MYBPC1: variants seen among roughly 807,000 people sequenced by gnomAD.
MYBPC1 encodes myosin-binding protein C, slow-type.
In MYBPC1, 52 loss-of-function variants were observed where a neutral mutation model predicts 147.1. The observed-to-expected ratio is 0.35, with a 90% CI of 0.28 to 0.45. The LOEUF is 0.45. Among genes scored for constraint, MYBPC1 ranks in the 20% least tolerant of loss-of-function variants. The pLI is 1.00. For synonymous variants in MYBPC1, 477 were observed against 475.9 expected (o/e 1.00, Z -0.03); for missense variants, 1,228 against 1,440.3 (o/e 0.85, Z 2.39).
chr12:101,670,033 C>A, intron 23 of MYBPC1: 1 of 460,050 alleles, frequency 2.2e-6, no homozygotes. Flanking sequence ...AGGCTTATTA[C>A]AACAATAAAA....
intron 23 of MYBPC1, 47 bp downstream of exon 23, chr12:101,667,946 A>G: frequency 6.3e-7 from 1 of 1,588,504 alleles, no homozygotes; most frequent in Non-Finnish European, 8.6e-7. Flanking sequence ...TACATGGTTC[A>G]CTTTTTTTTT....
chr12:101,628,481 C>T (rs1294776543), intron 5 of MYBPC1, among the ~76,000 whole-genome samples: 1 of 152,108 alleles, frequency 6.6e-6, no homozygotes, highest in East Asian at 1.9e-4. Flanking sequence ...CCTACTACTA[C>T]AGATAGAAAT....
Position 101,659,718 on chromosome 12 carries a change from A to C in MYBPC1, c.1814A>C (p.Asp605Ala). 1 of 1,614,144 alleles carries C rather than the reference A, an allele frequency of 6.2e-7. No individual in the cohort carries two copies. The highest frequency in any genetic ancestry group is 8.5e-7 in the Non-Finnish European group (1 of 1,180,006). The change falls in exon 19 of 32, where the codon GAT (aspartate) becomes GCT (alanine). Residue 605 changes from aspartate to alanine, a missense_variant. Physicochemically the swap from Asp to Ala is moderately radical, Grantham distance 126. This residue lies in a region of MYBPC1 where 1,077 missense variants were observed against 1,314.2 expected (regional missense o/e 0.82). Transcript: ENST00000361466. ...CGGATAAGAACAGAATCTTACCCTG[A>C]TAGCAGCACTCTGGTCATTGATATA... Reference protein sequence around the residue: ...SGRIRTESYPDSSTLVIDIAE... With the variant: ...SGRIRTESYPASSTLVIDIAE...
At chr12:101,606,107 A>T (rs1230603617) in intron 1 of MYBPC1, among the ~76,000 whole-genome samples, 1 of 150,726 alleles carries the variant, frequency 6.6e-6, no homozygotes, top group Non-Finnish European at 1.5e-5. Context: ...TGGGAAGATC[A>T]TCTGAGCCTG....
rs1189921838 is a variant in MYBPC1 at position 101,659,811 on chromosome 12, G to C, written c.1907G>C (p.Ser636Thr). The change falls in exon 19 of 32, where the codon AGC (serine) becomes ACC (threonine). Residue 636 changes from serine to threonine, a missense_variant. Physicochemically the swap from Ser to Thr is moderately conservative, Grantham distance 58. This residue lies in a region of MYBPC1 where 1,077 missense variants were observed against 1,314.2 expected (regional missense o/e 0.82). Coordinates refer to ENST00000361466, the MANE Select transcript of MYBPC1 (RefSeq NM_002465.4). ...AACGAAGCTGGAGAGGCACATGCAA[G>C]CATCAAGGTTAAAGTTGTGGGTAAG... ...LKNEAGEAHASIKVKVVDFPD... is the reference protein window; with the variant it reads ...LKNEAGEAHATIKVKVVDFPD... 1.2e-6 allele frequency: 2 copies of C among 1,614,112 alleles called. No homozygotes were observed. Among genetic ancestry groups the C allele is most frequent in the African/African-American group, 1.3e-5 (1 of 75,040 alleles).
At chr12:101,615,397 C>T (rs1274603817) in intron 2 of MYBPC1, among the ~76,000 whole-genome samples, 1 of 152,038 alleles carries the variant, frequency 6.6e-6, no homozygotes, top group Non-Finnish European at 1.5e-5. Context: ...ACTGGCATCC[C>T]ACTCAATAAT....
intron 7 of MYBPC1, 34 bp from the exon 8 acceptor site, chr12:101,631,987 T>G (rs1565925658): frequency 9.8e-6 from 15 of 1,529,986 alleles, no homozygotes; most frequent in Middle Eastern, 3.4e-4. Context: ...GAAAATAAAC[T>G]GAAATGTGTG....
chr12:101,652,898 T>C lies in MYBPC1; in HGVS notation c.1633+114T>C, dbSNP rs73388434. 7.0e-3 allele frequency: 7,625 copies of C among 1,091,672 alleles called. 372 individuals are homozygous for C. The African/African-American group carries it at 0.1, about 14-fold the overall frequency. The allele number at this position is 1,091,672 out of a possible 1,614,324, so 67.6% of individuals were successfully genotyped here. A position where few individuals can be genotyped will look rare whatever the true frequency, so the allele number is the denominator to read the frequency against. On this transcript the variant is annotated intron_variant, in intron 17 of 31. Coordinates refer to ENST00000361466, the MANE Select transcript of MYBPC1 (RefSeq NM_002465.4). ...TGACATTTAAGGAAAAATACATCAA[T>C]TGGTATTAATCACCAATCAGAAAGA... is the stretch of plus-strand genomic sequence containing the variant.
At chr12:101,664,906 C>T (rs1334193377) in intron 22 of MYBPC1, among the ~76,000 whole-genome samples, 2 of 152,130 alleles carry the variant, frequency 1.3e-5, no homozygotes, top group Non-Finnish European at 2.9e-5. Context: ...CCTCCTGCCC[C>T]CATTTAAAAA....
chr12:101,629,684 C>A (rs758562331), intron 6 of MYBPC1, 140 bp downstream of exon 6: 2 of 681,498 alleles, frequency 2.9e-6, no homozygotes, highest in Non-Finnish European at 5.3e-6. Context: ...ACCAGCCTGG[C>A]CAACATGGTG....
chr12:101,676,917 G>T (rs1900126054), intron 26 of MYBPC1, among the ~76,000 whole-genome samples: 1 of 152,032 alleles, frequency 6.6e-6, no homozygotes, highest in Admixed American at 6.6e-5. Context: ...AGGTAGACAG[G>T]TAGATAAATA....
At chr12:101,679,019 C>T (rs1012127704) in intron 28 of MYBPC1, among the ~76,000 whole-genome samples, 1 of 151,838 alleles carries the variant, frequency 6.6e-6, no homozygotes, top group African/African-American at 2.4e-5. Context: ...CATGGTGGCA[C>T]ATGCCTGTGA....
chr12:101,669,327 C>T (rs1021072200), intron 23 of MYBPC1, among the ~76,000 whole-genome samples: 1 of 152,206 alleles, frequency 6.6e-6, no homozygotes, highest in African/African-American at 2.4e-5. Flanking sequence ...AGAAGAACTG[C>T]TTCATCCCTG....
chr12:101,613,818 C>G (rs181950923), intron 1 of MYBPC1, among the ~76,000 whole-genome samples: 2 of 152,274 alleles, frequency 1.3e-5, no homozygotes, highest in African/African-American at 4.8e-5. Context: ...CTTCCAGAAA[C>G]AACTCTGAGA....
At position 101,661,243 on chromosome 12, in the gene MYBPC1, C is replaced by A. The variant is rs149779416; in HGVS notation, c.2013C>A (p.Asp671Glu). 5 of 1,611,756 alleles carry A rather than the reference C, an allele frequency of 3.1e-6. No homozygotes were observed. The African/African-American group carries it at 5.3e-5, about 17-fold the overall frequency. The stretch of plus-strand genomic sequence containing the variant: ...TGAACTGGGAGCCTCCTGCCTACGA[C>A]GGAGGCTCTCCAATCCTAGGTAACT... ...CIMNWEPPAY[D>E]GGSPILGYFI... Residue 671 changes from aspartate (D) to glutamate (E), a missense_variant, in exon 20 of 32, where the codon GAC (aspartate) becomes GAA (glutamate). By Grantham distance (45) the Asp-to-Glu change is conservative. Around this residue, in one of 2 missense-constraint regions of MYBPC1, gnomAD observed 1,077 missense variants for 1,314.2 expected, o/e 0.82. Transcript: ENST00000361466.
In MYBPC1 at chr12:101,601,334, A is replaced by G. The variant is rs75078616; in HGVS notation, c.25+6239A>G. On this transcript the variant is annotated intron_variant, in intron 1 of 31. Transcript: ENST00000361466. ...TGGATAGGCTCAGTTTTAATTTACAAAGAGTATGTTTGTTTTAGACAGCCC... is the reference window on the plus strand; with the variant it reads ...TGGATAGGCTCAGTTTTAATTTACAGAGAGTATGTTTGTTTTAGACAGCCC... 6.1e-3 allele frequency among the ~76,000 whole-genome samples: 930 copies of G among 152,256 alleles called. 13 individuals carry two copies. The highest frequency in any genetic ancestry group is 0.021 in the African/African-American group (868 of 41,550).
chr12:101,653,279 C>T (rs1894894799), intron 18 of MYBPC1, 31 bp downstream of exon 18: 6 of 1,611,332 alleles, frequency 3.7e-6, no homozygotes, highest in Non-Finnish European at 5.1e-6. Context: ...CACTCACATG[C>T]ACACACACAT....
intron 1 of MYBPC1, among the ~76,000 whole-genome samples, chr12:101,609,915 G>T (rs528902114): frequency 5.9e-5 from 9 of 152,300 alleles, no homozygotes; most frequent in African/African-American, 2.2e-4. Flanking sequence ...AGTGGAAATT[G>T]CTGTTAATGA....
chr12:101,621,607 CTGTT>C (rs1490119734), intron 3 of MYBPC1, among the ~76,000 whole-genome samples: 1 of 152,142 alleles, frequency 6.6e-6, no homozygotes, highest in African/African-American at 2.4e-5. Flanking sequence ...CAGTATTTCA[CTGTT>C]TGTTTACAAG....
Sources: gnomAD v4.1 joint callset for allele counts (sites outside exome capture counted in the v4.1 genomes callset) on GRCh38, gnomAD v4.1.1 for gene constraint, gnomAD v4.1.1 regional missense constraint, MANE v1.5 for transcripts, NCBI Gene and HGNC (gene_info 2026-07-23, HGNC 2026-07-21) for gene names.